Variants in CHRNB4 observed in about 807,000 individuals in gnomAD.
The protein encoded by CHRNB4 is cholinergic receptor nicotinic beta 4 subunit, also known as neuronal acetylcholine receptor subunit beta-4.
Under a neutral mutation model 40.4 loss-of-function variants are expected in CHRNB4, and 23 were observed. That is an observed-to-expected ratio of 0.57 (90% CI 0.41 to 0.81). CHRNB4 has a LOEUF of 0.81. Among genes scored for constraint, CHRNB4 ranks in the 30% least tolerant of loss-of-function variants. The probability of loss-of-function intolerance (pLI) is 0.00; values close to 1 mark genes in which losing one functional copy is unlikely to be tolerated. For synonymous variants in CHRNB4, 285 were observed against 274.4 expected (o/e 1.04, Z -0.38); for missense variants, 568 against 670.6 (o/e 0.85, Z 1.69).
At chr15:78,649,949 G>A (rs2054157694) in intron 6 of CHRNB4, among the ~76,000 whole-genome samples, 1 of 152,192 alleles carries the variant, frequency 6.6e-6, no homozygotes, top group Non-Finnish European at 1.5e-5. Flanking sequence ...TGGTTCCCAG[G>A]TGTTTGTTAT....
intron 6 of CHRNB4, among the ~76,000 whole-genome samples, chr15:78,651,800 C>T (rs2054174506): frequency 6.6e-6 from 1 of 152,204 alleles, no homozygotes; most frequent in Non-Finnish European, 1.5e-5. Context: ...CCCTGGGTAG[C>T]CTTCCTTTCT....
At chr15:78,647,833 C>T (rs2054138056) in intron 7 of CHRNB4, among the ~76,000 whole-genome samples, 1 of 126,498 alleles carries the variant, frequency 7.9e-6, no homozygotes, top group Admixed American at 9.8e-5. Flanking sequence ...GCACTCCAGC[C>T]TGGGCAACAG....
chr15:78,641,369 C>G (rs558262976), upstream of CHRNB4: 1 of 460,620 alleles, frequency 2.2e-6, no homozygotes, highest in Non-Finnish European at 3.8e-6. Flanking sequence ...CGCCTGGCTT[C>G]CCTATCTCTT....
intron 7 of CHRNB4, among the ~76,000 whole-genome samples, chr15:78,647,321 TTATA>T (rs1267797339): frequency 3.3e-5 from 5 of 151,716 alleles, no homozygotes; most frequent in Non-Finnish European, 2.9e-5. Flanking sequence ...ATTTAAGGAA[TTATA>T]TATATAAACA....
intron 2 of CHRNB4, chr15:78,634,664 T>C: frequency 4.4e-6 from 2 of 454,988 alleles, no homozygotes; most frequent in Non-Finnish European, 8.8e-6. Context: ...CTCTTTCCCC[T>C]GGCTGGACAC....
intron 1 of CHRNB4, 35 bp from the exon 2 acceptor site, chr15:78,635,622 T>C (rs1035190782): frequency 6.2e-7 from 1 of 1,611,346 alleles, no homozygotes; most frequent in African/African-American, 1.3e-5. Flanking sequence ...GCTGGGCCCT[T>C]GTGCACCTGA....
chr15:78,626,747 G>C (rs146599197), intron 5 of CHRNB4: 1 of 152,314 alleles, frequency 6.6e-6, no homozygotes, highest in South Asian at 2.1e-4. Flanking sequence ...AGGATTCCAG[G>C]GAGGGTTAGC....
Position 78,635,495 on chromosome 15 carries a change from A to C in CHRNB4, c.148T>G (p.Ser50Ala). The C allele has an allele frequency of 6.2e-7, 1 of 1,614,094 alleles. No homozygotes were observed. Among genetic ancestry groups the C allele is most frequent in the Middle Eastern group, 1.7e-4 (1 of 6,056 alleles). The change falls in exon 2 of 6, where the codon TCC (serine) becomes GCC (alanine). Residue 50 changes from serine to alanine, a missense_variant. By Grantham distance (99) the Ser-to-Ala change is moderately conservative (BLOSUM62 1). Around this residue, in one of 4 missense-constraint regions of CHRNB4, gnomAD observed 161 missense variants for 148.1 expected, o/e 1.09. Coordinates refer to ENST00000261751, the MANE Select transcript of CHRNB4 (RefSeq NM_000750.5). Reference sequence around the variant, plus strand: ...AGCTTGATGGAGATGAGCTGTGAGGAGCTGGTGGCTGGGCGGATCAGGTTA... The same window carrying C: ...AGCTTGATGGAGATGAGCTGTGAGGCGCTGGTGGCTGGGCGGATCAGGTTA... ...YNNLIRPATS[S>A]SQLISIKLQL...
intron 1 of CHRNB4, among the ~76,000 whole-genome samples, chr15:78,637,805 C>G (rs974480045): frequency 3.3e-5 from 5 of 152,292 alleles, no homozygotes; most frequent in African/African-American, 1.2e-4. Context: ...CCTAGTGCAC[C>G]TGCTGCCTGC....
At chr15:78,633,247 A>T (rs761851189) in intron 2 of CHRNB4, among the ~76,000 whole-genome samples, 40 of 152,260 alleles carry the variant, frequency 2.6e-4, no homozygotes, top group Non-Finnish European at 4.4e-4. Context: ...GATTATCAGT[A>T]AGATAAGGTT....
intron 7 of CHRNB4, among the ~76,000 whole-genome samples, chr15:78,648,391 CAAAA>C (rs745703762): frequency 8.2e-5 from 6 of 73,496 alleles, no homozygotes; most frequent in Non-Finnish European, 1.2e-4. Flanking sequence ...AGACTTGCCT[CAAAA>C]AAAAAAAAAA....
chr15:78,626,856 T>C (rs1334180904), intron 5 of CHRNB4: 2 of 152,244 alleles, frequency 1.3e-5, no homozygotes, highest in African/African-American at 4.8e-5. Context: ...CTCCTTCCCT[T>C]AAGAGGCTTG....
chr15:78,633,120 G>A (rs1365613560), intron 2 of CHRNB4, among the ~76,000 whole-genome samples: 2 of 152,092 alleles, frequency 1.3e-5, no homozygotes, highest in Non-Finnish European at 2.9e-5. Flanking sequence ...TAGTACTTTG[G>A]ATAAGTCTTG....
In CHRNB4 at chr15:78,638,784, G is replaced by A. The variant is rs551551707; in HGVS notation, c.55+2295C>T. ...ACTGAATGTCTGTGAGGCCTGCTGG[G>A]CTCAAAGGACAAGGAACAGGCCTTT... is the stretch of plus-strand genomic sequence containing the variant. On this transcript the variant is annotated intron_variant, in intron 1 of 5. Transcript: ENST00000261751. Among the ~76,000 whole-genome samples the A allele has an allele frequency of 1.2e-4, 18 of 152,364 alleles. No individual in the cohort carries two copies. In the South Asian group the frequency reaches 3.7e-3, roughly 32 times the overall value.
At chr15:78,642,069 A>G (rs1396355058), upstream of CHRNB4, among the ~76,000 whole-genome samples, 1 of 152,202 alleles carries the variant, frequency 6.6e-6, no homozygotes, top group Non-Finnish European at 1.5e-5. Context: ...GGAACAAGAC[A>G]GGAAGGGCGG....
rs761286174 is a variant in CHRNB4 at position 78,629,987 on chromosome 15, C to T, written c.360-42G>A. The T allele has an allele frequency of 2.0e-6, 3 of 1,510,788 alleles. No individual in the cohort carries two copies. Among genetic ancestry groups the T allele is most frequent in the Non-Finnish European group, 2.6e-6 (3 of 1,138,436 alleles). The allele number at this position is 1,510,788 out of a possible 1,614,324, so 93.6% of individuals were successfully genotyped here. ...CATGGAGAACATCGTGAAACCCATA[C>T]ACAAAACCTGGCCTGTTCTCAGAAC... On this transcript the variant is annotated intron_variant, in intron 4 of 5. Coordinates refer to ENST00000261751, the MANE Select transcript of CHRNB4 (RefSeq NM_000750.5). The surrounding 1 kb of genome is among the most constrained non-coding windows in gnomAD (Gnocchi z 6.8).
In CHRNB4 at chr15:78,624,757, G is replaced by A; in HGVS notation, c.*376C>T. 2.1e-6 allele frequency: 1 copy of A among 481,160 alleles called. No individual in the cohort carries two copies. The highest frequency in any genetic ancestry group is 3.6e-6 in the Non-Finnish European group (1 of 275,622). The allele number at this position is 481,160 out of a possible 1,614,324, so 29.8% of individuals were successfully genotyped here. A position where few individuals can be genotyped will look rare whatever the true frequency, so the allele number is the denominator to read the frequency against. On this transcript the variant is annotated 3_prime_UTR_variant, in exon 6 of 6. Transcript: ENST00000261751. ...CCTCTGAGCTGGGAAGAATCTAGAAGTGTGTGAGGAACTGGACAAGGGGAA... is the reference window on the plus strand; with the variant it reads ...CCTCTGAGCTGGGAAGAATCTAGAAATGTGTGAGGAACTGGACAAGGGGAA...
rs547918173 is a variant in CHRNB4, at chr15:78,647,777, A to G, written c.46+1602T>C. 3.5e-4 allele frequency among the ~76,000 whole-genome samples: 51 copies of G among 146,672 alleles called. No individual in the cohort carries two copies. The South Asian group carries it at 3.9e-3, about 11-fold the overall frequency. On this transcript the variant is annotated intron_variant and NMD_transcript_variant, in intron 7 of 11. Coordinates refer to the CHRNB4 transcript ENST00000559849. ...TGGGAGGCTGAGGCAGGAGAATGGC[A>G]TGAATCCAGGAGGCGGAGCTTGCAC...
chr15:78,632,214 T>TCC lies in CHRNB4; in HGVS notation c.205-883_205-882insGG, dbSNP rs371713786. Among the ~76,000 whole-genome samples the TCC allele has an allele frequency of 1.1e-4, 10 of 87,674 alleles. No homozygotes were observed. In the South Asian group the frequency reaches 1.6e-3, roughly 14 times the overall value. 57.5% of individuals were successfully genotyped at this position (87,674 alleles called of 152,430 possible). On this transcript the variant is annotated intron_variant, in intron 2 of 5. Coordinates refer to ENST00000261751, the MANE Select transcript of CHRNB4 (RefSeq NM_000750.5). The stretch of plus-strand genomic sequence containing the variant: ...CTTTCTTTCTTTCTTTCTTTCTTTC[T>TCC]CTTTCTCTCTCTCTCTCTCTCTCTC...
Sources: gnomAD v4.1 joint callset for allele counts (sites outside exome capture counted in the v4.1 genomes callset) on GRCh38, gnomAD v4.1.1 for gene constraint, gnomAD v4.1.1 regional missense constraint, Gnocchi (gnomAD v3.1) non-coding constraint, MANE v1.5 for transcripts, NCBI Gene and HGNC (gene_info 2026-07-23, HGNC 2026-07-21) for gene names.